The following LRRC4C variants were observed in gnomAD, a reference collection of about 807,000 sequenced individuals.
The protein encoded by LRRC4C is leucine rich repeat containing 4C.
In LRRC4C, 5 loss-of-function variants were observed where a neutral mutation model predicts 33.6. The observed-to-expected ratio is 0.15, with a 90% CI of 0.08 to 0.31. The LOEUF is 0.31. Among genes scored for constraint, LRRC4C ranks in the 10% least tolerant of loss-of-function variants. The pLI, the probability that LRRC4C is intolerant of heterozygous loss-of-function variation, is 1.00. For missense variants in LRRC4C, 560 were observed against 796.7 expected (o/e 0.70, Z 3.58); for synonymous variants, 329 against 302.0 (o/e 1.09, Z -0.93).
intron 2 of LRRC4C, among the ~76,000 whole-genome samples, chr11:40,787,788 C>G (rs1426410222): frequency 6.6e-6 from 1 of 152,170 alleles, no homozygotes; most frequent in Non-Finnish European, 1.5e-5. Flanking sequence ...AGTGTAAAGT[C>G]TAACCATGCT....
intron 3 of LRRC4C, among the ~76,000 whole-genome samples, chr11:40,396,531 T>C (rs1052968873): frequency 5.9e-5 from 9 of 152,036 alleles, no homozygotes; most frequent in African/African-American, 2.2e-4. Context: ...GAGAGAGTGA[T>C]GGAGAGGAAT....
intron 2 of LRRC4C, among the ~76,000 whole-genome samples, chr11:40,846,182 A>G (rs1953158374): frequency 6.6e-6 from 1 of 152,022 alleles, no homozygotes; most frequent in Non-Finnish European, 1.5e-5. Context: ...CTTTAGTTTA[A>G]TTAGATCCTA....
At chr11:41,359,968 C>T (rs1299415944) in intron 1 of LRRC4C, among the ~76,000 whole-genome samples, 1 of 152,082 alleles carries the variant, frequency 6.6e-6, no homozygotes, top group Non-Finnish European at 1.5e-5. Context: ...AGATCATCCG[C>T]AGTCAGGAGT....
chr11:41,383,183 C>T (rs1953223549), intron 1 of LRRC4C, among the ~76,000 whole-genome samples: 1 of 152,042 alleles, frequency 6.6e-6, no homozygotes, highest in Admixed American at 6.6e-5. Context: ...AGTCATCTGT[C>T]CAATCAGAGT....
intron 1 of LRRC4C, among the ~76,000 whole-genome samples, chr11:41,370,823 G>T (rs1337604756): frequency 6.6e-6 from 1 of 152,124 alleles, no homozygotes; most frequent in Admixed American, 6.5e-5. Context: ...TTATAGGCAT[G>T]AGCTACCACG....
chr11:40,383,451 G>A (rs1240715752), intron 3 of LRRC4C, among the ~76,000 whole-genome samples: 1 of 152,062 alleles, frequency 6.6e-6, no homozygotes, highest in Admixed American at 6.6e-5. Context: ...TTCCATAGTG[G>A]CTGCACCAAT....
At chr11:41,289,356 T>C (rs1168459519) in intron 1 of LRRC4C, among the ~76,000 whole-genome samples, 4 of 152,156 alleles carry the variant, frequency 2.6e-5, no homozygotes. Context: ...ACTGTAACCT[T>C]TAAAGAATGG....
chr11:40,901,230 C>T (rs757761344), intron 2 of LRRC4C, among the ~76,000 whole-genome samples: 3 of 152,042 alleles, frequency 2.0e-5, no homozygotes, highest in African/African-American at 4.8e-5. Flanking sequence ...AGGACACATG[C>T]ACTGTCTATG....
At chr11:41,368,785 C>T (rs1952637201) in intron 1 of LRRC4C, among the ~76,000 whole-genome samples, 1 of 152,174 alleles carries the variant, frequency 6.6e-6, no homozygotes, top group Non-Finnish European at 1.5e-5. Context: ...TAAAGCTCTG[C>T]AGCAATTTTT....
At chr11:40,867,134 G>T (rs911561350) in intron 2 of LRRC4C, among the ~76,000 whole-genome samples, 3 of 152,090 alleles carry the variant, frequency 2.0e-5, no homozygotes, top group African/African-American at 2.4e-5. Flanking sequence ...GCTTTCTCCA[G>T]TTATACTGTA....
At chr11:40,591,770 CTTAAT>C (rs1354591414) in intron 3 of LRRC4C, among the ~76,000 whole-genome samples, 1 of 152,194 alleles carries the variant, frequency 6.6e-6, no homozygotes, top group Non-Finnish European at 1.5e-5. Flanking sequence ...ATAAACAAAA[CTTAAT>C]TTGAGTTATT....
chr11:41,450,633 G>A (rs1955988020), intron 1 of LRRC4C, among the ~76,000 whole-genome samples: 1 of 152,150 alleles, frequency 6.6e-6, no homozygotes, highest in East Asian at 1.9e-4. Context: ...GATGCCCCCT[G>A]TATGCAACTA....
At chr11:40,297,044 T>G (rs1590937200) in intron 4 of LRRC4C, among the ~76,000 whole-genome samples, 1 of 152,346 alleles carries the variant, frequency 6.6e-6, no homozygotes, top group East Asian at 1.9e-4. Flanking sequence ...TATTTCACTG[T>G]ATGTTCGTGA....
chr11:41,320,119 G>T (rs1247921632), intron 1 of LRRC4C, among the ~76,000 whole-genome samples: 3 of 152,076 alleles, frequency 2.0e-5, no homozygotes, highest in Non-Finnish European at 4.4e-5. Context: ...TATCAATTGA[G>T]AATATAAATA....
intron 1 of LRRC4C, among the ~76,000 whole-genome samples, chr11:41,379,384 G>A (rs1291664261): frequency 6.6e-6 from 1 of 152,086 alleles, no homozygotes; most frequent in Non-Finnish European, 1.5e-5. Context: ...GTGAGTGGTA[G>A]AAAAAAATTT....
At chr11:41,159,320 A>T (rs1350781208) in intron 1 of LRRC4C, among the ~76,000 whole-genome samples, 1 of 152,158 alleles carries the variant, frequency 6.6e-6, no homozygotes, top group East Asian at 1.9e-4. Context: ...AAAATAAAAC[A>T]TTAAAATTAA....
At chr11:40,731,042 G>C (rs887718923) in intron 2 of LRRC4C, among the ~76,000 whole-genome samples, 1 of 152,130 alleles carries the variant, frequency 6.6e-6, no homozygotes, top group South Asian at 2.1e-4. Context: ...GTGGCCGTCC[G>C]GGCGTGGTGG....
chr11:40,135,350 T>G (rs1856896415), intron 6 of LRRC4C, among the ~76,000 whole-genome samples: 1 of 152,242 alleles, frequency 6.6e-6, no homozygotes, highest in African/African-American at 2.4e-5. Context: ...GCACAATTCC[T>G]ATATTTGCTC....
At chr11:40,283,289 C>T (rs1402954813) in intron 4 of LRRC4C, among the ~76,000 whole-genome samples, 1 of 152,162 alleles carries the variant, frequency 6.6e-6, no homozygotes, top group Non-Finnish European at 1.5e-5. Context: ...CATACACATA[C>T]CCATGTACTT....
Sources: gnomAD v4.1 joint callset for allele counts (sites outside exome capture counted in the v4.1 genomes callset) on GRCh38, gnomAD v4.1.1 for gene constraint, MANE v1.5 for transcripts, NCBI Gene and HGNC (gene_info 2026-07-23, HGNC 2026-07-21) for gene names.